Variants in ERBB4 observed in about 807,000 individuals in gnomAD.
The protein encoded by ERBB4 is erb-b2 receptor tyrosine kinase 4.
A neutral mutation model predicts 158.0 loss-of-function variants in ERBB4; 42 were observed. That is an observed-to-expected ratio of 0.27 (90% CI 0.21 to 0.34). The LOEUF (loss-of-function observed/expected upper bound fraction) is 0.34. ERBB4 is among the 10% of genes least tolerant of loss of function. ERBB4 has a pLI of 1.00. For synonymous variants in ERBB4, 583 were observed against 558.7 expected, an observed-to-expected ratio of 1.04 and a Z score of -0.61; for missense variants, 1,333 against 1,624.1, an observed-to-expected ratio of 0.82 and a Z score of 3.08.
chr2:212,211,279 C>G (rs1054514137), intron 1 of ERBB4, among the ~76,000 whole-genome samples: 2 of 152,182 alleles, frequency 1.3e-5, no homozygotes, highest in South Asian at 4.1e-4. Flanking sequence ...AACACATCTA[C>G]TGAAAACACT....
At chr2:211,492,321 A>G (rs898375556) in intron 20 of ERBB4, among the ~76,000 whole-genome samples, 1 of 152,168 alleles carries the variant, frequency 6.6e-6, no homozygotes, top group Non-Finnish European at 1.5e-5. Flanking sequence ...GGCAAAGTTT[A>G]AATCTTGGCC....
rs562824740 is a variant in ERBB4, at chr2:211,750,796, C to T, written c.557-92G>A. ...CTCCTCAAAGGAAATACTCCTGCTC[C>T]TTTATGAGGATTTTTATGTCATACT... On this transcript the variant is annotated intron_variant, in intron 4 of 27. Coordinates refer to ENST00000342788, the MANE Select transcript of ERBB4 (RefSeq NM_005235.3). 2.2e-4 allele frequency: 234 copies of T among 1,064,746 alleles called. No homozygotes were observed. In the African/African-American group the frequency reaches 3.2e-3, roughly 15 times the overall value. The allele number at this position is 1,064,746 out of a possible 1,614,324, so 66.0% of individuals were successfully genotyped here. A position where few individuals can be genotyped will look rare whatever the true frequency, so the allele number is the denominator to read the frequency against.
chr2:212,137,466 C>T (rs528653859), intron 1 of ERBB4, among the ~76,000 whole-genome samples: 25 of 152,178 alleles, frequency 1.6e-4, no homozygotes, highest in African/African-American at 3.4e-4. Context: ...CTAGGGATAA[C>T]GGTCTCCAGC....
intron 2 of ERBB4, among the ~76,000 whole-genome samples, chr2:212,122,087 C>A (rs2079769346): frequency 6.7e-6 from 1 of 150,090 alleles, no homozygotes; most frequent in South Asian, 2.1e-4. Context: ...ATACACACAC[C>A]CCACATACAA....
At chr2:212,216,159 T>A (rs1255715493) in intron 1 of ERBB4, among the ~76,000 whole-genome samples, 1 of 151,328 alleles carries the variant, frequency 6.6e-6, no homozygotes, top group Non-Finnish European at 1.5e-5. Flanking sequence ...GATATAGCAA[T>A]GAGCATATTA....
At chr2:211,621,934 T>G (rs921769733) in intron 18 of ERBB4, among the ~76,000 whole-genome samples, 1 of 152,150 alleles carries the variant, frequency 6.6e-6, no homozygotes, top group African/African-American at 2.4e-5. Flanking sequence ...CAGTTACATC[T>G]GTGAATACGG....
At chr2:211,882,153 T>A (rs1372929548) in intron 3 of ERBB4, among the ~76,000 whole-genome samples, 2 of 152,186 alleles carry the variant, frequency 1.3e-5, no homozygotes, top group Non-Finnish European at 2.9e-5. Context: ...TAGCTTACAA[T>A]CCTGATTCAG....
intron 4 of ERBB4, among the ~76,000 whole-genome samples, chr2:211,772,949 A>ATTT (rs1441700991): frequency 6.7e-5 from 5 of 75,048 alleles, no homozygotes; most frequent in African/African-American, 3.8e-4. Flanking sequence ...ATATATATAT[A>ATTT]TATATATTTT....
At chr2:212,039,741 T>C (rs974972109) in intron 2 of ERBB4, among the ~76,000 whole-genome samples, 1 of 152,120 alleles carries the variant, frequency 6.6e-6, no homozygotes, top group Non-Finnish European at 1.5e-5. Context: ...AAAATAAGGT[T>C]CAGAGAGGTT....
chr2:212,435,362 C>G (rs544851445), intron 1 of ERBB4, among the ~76,000 whole-genome samples: 1 of 151,926 alleles, frequency 6.6e-6, no homozygotes, highest in Non-Finnish European at 1.5e-5. Flanking sequence ...ACTTACAAAC[C>G]ATAGACTTGA....
chr2:211,915,159 A>G (rs1037859415), intron 3 of ERBB4, among the ~76,000 whole-genome samples: 2 of 152,080 alleles, frequency 1.3e-5, no homozygotes, highest in African/African-American at 4.8e-5. Context: ...CCCAAATAGT[A>G]ATAATTCTTT....
intron 1 of ERBB4, among the ~76,000 whole-genome samples, chr2:212,218,190 C>A (rs1251670364): frequency 6.6e-6 from 1 of 151,244 alleles, no homozygotes; most frequent in Non-Finnish European, 1.5e-5. Context: ...CACATAATTA[C>A]AGGATCAGCT....
At chr2:212,105,397 A>C (rs987015025) in intron 2 of ERBB4, among the ~76,000 whole-genome samples, 1 of 152,196 alleles carries the variant, frequency 6.6e-6, no homozygotes, top group Admixed American at 6.5e-5. Flanking sequence ...AGAAAGTCTC[A>C]GCTCTGTGTT....
chr2:212,123,910 T>A (rs577632673), intron 2 of ERBB4, among the ~76,000 whole-genome samples: 1 of 152,196 alleles, frequency 6.6e-6, no homozygotes, highest in African/African-American at 2.4e-5. Flanking sequence ...TAAAGGTTAC[T>A]GAAAACAAGA....
intron 1 of ERBB4, among the ~76,000 whole-genome samples, chr2:212,422,020 G>A (rs2091803693): frequency 6.6e-6 from 1 of 152,144 alleles, no homozygotes. Context: ...ATGATGATGT[G>A]GTGTCATAAG....
At chr2:212,496,147 T>C (rs1184433017) in intron 1 of ERBB4, among the ~76,000 whole-genome samples, 1 of 152,086 alleles carries the variant, frequency 6.6e-6, no homozygotes, top group African/African-American at 2.4e-5. Context: ...TATAATTTGT[T>C]TAAAACATTT....
intron 1 of ERBB4, among the ~76,000 whole-genome samples, chr2:212,278,519 T>C (rs955099165): frequency 1.3e-5 from 2 of 151,698 alleles, no homozygotes; most frequent in Admixed American, 6.6e-5. Context: ...CAGACCTGAA[T>C]GATTTTAGGC....
chr2:211,706,517 C>T (rs1243361432), intron 9 of ERBB4, among the ~76,000 whole-genome samples: 1 of 151,452 alleles, frequency 6.6e-6, no homozygotes, highest in Non-Finnish European at 1.5e-5. Flanking sequence ...ACCTTGATCT[C>T]TGGAACCACC....
chr2:211,933,732 C>A (rs569550788), intron 3 of ERBB4, among the ~76,000 whole-genome samples: 1 of 152,108 alleles, frequency 6.6e-6, no homozygotes, highest in South Asian at 2.1e-4. Context: ...TATTTATTCT[C>A]TCTGGGACTC....
Sources: gnomAD v4.1 joint callset for allele counts (sites outside exome capture counted in the v4.1 genomes callset) on GRCh38, gnomAD v4.1.1 for gene constraint, MANE v1.5 for transcripts, NCBI Gene and HGNC (gene_info 2026-07-23, HGNC 2026-07-21) for gene names.